Variants in NPHS1 observed in about 807,000 individuals in gnomAD.
NPHS1 encodes the protein NPHS1 adhesion molecule, nephrin, also known as nephrin.
NPHS1 carries 107 observed loss-of-function variants against 139.7 expected under a neutral mutation model. That is an observed-to-expected ratio of 0.77 (90% confidence interval 0.66 to 0.90). NPHS1 has a LOEUF of 0.90. Among genes scored for constraint, NPHS1 ranks in the 40% least tolerant of loss-of-function variants. The probability of loss-of-function intolerance (pLI) is 0.00; values close to 1 mark genes in which losing one functional copy is unlikely to be tolerated. For missense variants in NPHS1, 1,580 were observed against 1,654.2 expected, an observed-to-expected ratio of 0.96 and a Z score of 0.78; for synonymous variants, 707 against 706.6, an observed-to-expected ratio of 1.00 and a Z score of -0.01.
In NPHS1 at chr19:35,851,004, C is replaced by A; in HGVS notation, c.483G>T (p.Val161=). The A allele has an allele frequency of 6.2e-7, 1 of 1,614,200 alleles. No individual in the cohort carries two copies. Among genetic ancestry groups the A allele is most frequent in the South Asian group, 1.1e-5 (1 of 91,084 alleles). Residue 161 remains valine (V), a synonymous_variant, in exon 4 of 29, where the codon GTG becomes GTT. Transcript: ENST00000378910. ...VAGQEYVVNC[V]SGDAKPAPDI... ...CAGGTGCTGGCTTCGCGTCCCCAGA[C>A]ACACAGTTGACCACGTACTCCTGCC...
Position 35,845,494 on chromosome 19 carries a change from A to C in NPHS1, c.1804T>G (p.Ser602Ala). ...AGAAGGACGCTCCTGGCGGCGGCGG[A>C]GCCTTTGAATGGGGCTCTCCGGGGT... ...APPRRAPFKG[S>A]AAARSVLLQV... The change falls in exon 14 of 29, where the codon TCC becomes GCC. Residue 602 changes from serine (S) to alanine (A), a missense_variant. Coordinates refer to ENST00000378910, the MANE Select transcript of NPHS1 (RefSeq NM_004646.4). This position sits in a 1 kb window ranked among gnomAD's most constrained non-coding sequence, Gnocchi z 5.5. The C allele has an allele frequency of 1.9e-6, 3 of 1,613,322 alleles. No individual in the cohort carries two copies. Among genetic ancestry groups the C allele is most frequent in the Non-Finnish European group, 2.5e-6 (3 of 1,179,804 alleles).
At position 35,845,423 on chromosome 19, in the gene NPHS1, GGCGCGGCAGGTCAC is replaced by G; in HGVS notation, c.1861_1874del (p.Val621ProfsTer48). On this transcript the variant is annotated frameshift_variant, in exon 14 of 29. Transcript: ENST00000378910. LOFTEE classifies it high-confidence loss of function. The surrounding 1 kb of genome is among the most constrained non-coding windows in gnomAD (Gnocchi z 5.5). ...CGGTTTCGCGGAGCTCGGCGCTGTGGGCGCGGCAGGTCACGCGCTGGCCATGATCGCGGGATGAC... is the reference window on the plus strand; with the variant it reads ...CGGTTTCGCGGAGCTCGGCGCTGTGGGCGCTGGCCATGATCGCGGGATGAC... 2 of 1,614,238 alleles carry G rather than the reference GGCGCGGCAGGTCAC, an allele frequency of 1.2e-6. No individual in the cohort carries two copies. The highest frequency in any genetic ancestry group is 1.7e-6 in the Non-Finnish European group (2 of 1,180,042).
rs148755697 is a variant in NPHS1 at position 35,825,985 on chromosome 19, G to A, written c.*529C>T. 3,518 of 152,194 alleles carry A rather than the reference G, an allele frequency of 0.023. 54 individuals are homozygous for A. Among genetic ancestry groups the A allele is most frequent in the Non-Finnish European group, 0.037 (2,541 of 68,216 alleles). The allele number at this position is 152,194 out of a possible 1,614,324, so 9.4% of individuals were successfully genotyped here. On this transcript the variant is annotated 3_prime_UTR_variant, in exon 29 of 29. Transcript: ENST00000378910. The stretch of plus-strand genomic sequence containing the variant: ...TTTTGAGACAGAATCTCGCTCTGTC[G>A]CCCAGGCTGGAGTGCAGTGGCGTGA...
chr19:35,827,169 A>G (rs1479118681), intron 28 of NPHS1, among the ~76,000 whole-genome samples: 1 of 151,148 alleles, frequency 6.6e-6, no homozygotes, highest in Non-Finnish European at 1.5e-5. Flanking sequence ...TTTTTTAAAG[A>G]CGAGGTTTCC....
In NPHS1 at chr19:35,849,296, G is replaced by A. The variant is rs776578833; in HGVS notation, c.780C>T (p.Ser260=). 3 of 1,613,202 alleles carry A rather than the reference G, an allele frequency of 1.9e-6. No individual in the cohort carries two copies. In the South Asian group the frequency reaches 3.3e-5, roughly 18 times the overall value. ...LDEGHVRAGQ[S]LELPCVARGG... is the part of the protein sequence containing the mutation. ...CTCGGGCCACGCACGGCAGCTCCAA[G>A]CTCTGTCCTGCCCGCACGTGCCCCT... The change falls in exon 7 of 29, where the codon AGC becomes AGT. Residue 260 remains serine (S), a synonymous_variant. Coordinates refer to ENST00000378910, the MANE Select transcript of NPHS1 (RefSeq NM_004646.4).
chr19:35,835,845 A>G, intron 22 of NPHS1, 84 bp from the exon 23 acceptor site: 6 of 1,233,338 alleles, frequency 4.9e-6, no homozygotes, highest in African/African-American at 1.5e-5. Flanking sequence ...TCTTAAGCCT[A>G]TTAGATTCAT....
In NPHS1 at chr19:35,839,253, A is replaced by C. The variant is rs751392621; in HGVS notation, c.3093T>G (p.Leu1031=). The C allele has an allele frequency of 7.4e-6, 12 of 1,614,168 alleles. 1 individual carries two copies. In the South Asian group the frequency reaches 1.2e-4, roughly 16 times the overall value. The change falls in exon 22 of 29, where the codon CTT becomes CTG. Residue 1031 remains leucine, a synonymous_variant. Transcript: ENST00000378910. ...CCTTCCCACCTGGGGTAGTGATGGG[A>C]AGCTGGGTCCCTTTGTCAGCCAGTC... ...DSGLADKGTQ[L]PITTPGLHQP... is the part of the protein sequence containing the mutation.
rs929540764 is a variant in NPHS1 at position 35,830,886 on chromosome 19, G to C, written c.3552C>G (p.Pro1184=). 2.5e-6 allele frequency: 4 copies of C among 1,613,928 alleles called. No homozygotes were observed. Among genetic ancestry groups the C allele is most frequent in the Non-Finnish European group, 3.4e-6 (4 of 1,179,796 alleles). ...HLYDEVERTY[P]PSGAWGPLYD... ...AGAGGGGTCCCCAGGCTCCAGACGGGGGGTACGTTCTTTCTACCTCATCAT... is the reference window on the plus strand; with the variant it reads ...AGAGGGGTCCCCAGGCTCCAGACGGCGGGTACGTTCTTTCTACCTCATCAT... Residue 1184 remains proline (P), a synonymous_variant, in exon 28 of 29, where the codon CCC becomes CCG. Coordinates refer to ENST00000378910, the MANE Select transcript of NPHS1 (RefSeq NM_004646.4).
At position 35,849,314 on chromosome 19, in the gene NPHS1, G is replaced by A. The variant is rs201234008; in HGVS notation, c.762C>T (p.His254=). The change falls in exon 7 of 29, where the codon CAC becomes CAT. Residue 254 remains histidine, a synonymous_variant. Coordinates refer to ENST00000378910, the MANE Select transcript of NPHS1 (RefSeq NM_004646.4). ...VIEWPGLDEG[H]VRAGQSLELP... ...GCTCCAAGCTCTGTCCTGCCCGCACGTGCCCCTCATCCAGGCCTGGCCACT... is the reference window on the plus strand; with the variant it reads ...GCTCCAAGCTCTGTCCTGCCCGCACATGCCCCTCATCCAGGCCTGGCCACT... The A allele has an allele frequency of 5.6e-6, 9 of 1,612,892 alleles. No homozygotes were observed. Among genetic ancestry groups the A allele is most frequent in the African/African-American group, 2.7e-5 (2 of 75,014 alleles).
Position 35,834,149 on chromosome 19 carries a change from T to G in NPHS1, c.3166+1556A>C, listed in dbSNP as rs118187463. Among the ~76,000 whole-genome samples the G allele has an allele frequency of 1.1e-3, 165 of 152,248 alleles. 1 individual carries two copies. The East Asian group carries it at 0.031, about 28-fold the overall frequency. ...GAGTGCGGGGCCTTTCCACACTGAC[T>G]CTGTGTTGAGCCATGTGACTTGCTT... On this transcript the variant is annotated intron_variant, in intron 23 of 28. Coordinates refer to ENST00000378910, the MANE Select transcript of NPHS1 (RefSeq NM_004646.4).
At chr19:35,841,440 T>A (rs1973054391) in intron 20 of NPHS1, among the ~76,000 whole-genome samples, 1 of 152,060 alleles carries the variant, frequency 6.6e-6, no homozygotes, top group Admixed American at 6.6e-5. Flanking sequence ...TGAACCTAGA[T>A]CCAGAAACCC....
At chr19:35,842,089 G>T (rs1973064666) in intron 19 of NPHS1, 35 bp downstream of exon 19, 1 of 1,590,822 alleles carries the variant, frequency 6.3e-7, no homozygotes, top group African/African-American at 1.3e-5. Context: ...TCCAGACCTG[G>T]GGCTGGAGTG....
At chr19:35,832,601 C>T (rs575803232) in intron 23 of NPHS1, among the ~76,000 whole-genome samples, 9 of 151,196 alleles carry the variant, frequency 6.0e-5, no homozygotes, top group African/African-American at 1.2e-4. Context: ...TTAATTAAGA[C>T]GGAGTTGGCT....
intron 17 of NPHS1, 31 bp from the exon 18 acceptor site, chr19:35,842,581 C>G: frequency 6.2e-7 from 1 of 1,610,422 alleles, no homozygotes; most frequent in South Asian, 1.1e-5. Flanking sequence ...AATTGGCCTC[C>G]CAGTCTAGCC....
intron 11 of NPHS1, 107 bp from the exon 12 acceptor site, chr19:35,846,301 CTT>C: frequency 8.2e-7 from 1 of 1,214,916 alleles, no homozygotes. Flanking sequence ...CAAACAAAGC[CTT>C]TTTCTGATAA....
In NPHS1 at chr19:35,851,303, C is replaced by A; in HGVS notation, c.356G>T (p.Gly119Val). Residue 119 changes from glycine (G) to valine (V), a missense_variant, in exon 3 of 29, where the codon GGG becomes GTG. Coordinates refer to ENST00000378910, the MANE Select transcript of NPHS1 (RefSeq NM_004646.4). The part of the protein sequence containing the change: ...YECQVGRSEM[G>V]PELVSPRVIL... ...CACTCTGGGAGACACGAGCTCGGGC[C>A]CCATCTCAGAGCGGCCGACCTGGCA... The A allele has an allele frequency of 6.2e-7, 1 of 1,614,006 alleles. No individual in the cohort carries two copies. The highest frequency in any genetic ancestry group is 1.3e-5 in the African/African-American group (1 of 75,034).
chr19:35,845,226 C>T lies in NPHS1; in HGVS notation c.1930+142G>A, dbSNP rs1054948804. ...TGGAGACTGCAGTGACCTATGATTG[C>T]GTCACTGCATTGCAGCCTGAGCGAC... On this transcript the variant is annotated intron_variant, in intron 14 of 28. Coordinates refer to ENST00000378910, the MANE Select transcript of NPHS1 (RefSeq NM_004646.4). The surrounding 1 kb of genome is among the most constrained non-coding windows in gnomAD (Gnocchi z 5.5). 2.2e-6 allele frequency: 2 copies of T among 904,054 alleles called. No individual in the cohort carries two copies. The highest frequency in any genetic ancestry group is 3.5e-6 in the Non-Finnish European group (2 of 566,870). 56.0% of individuals were successfully genotyped at this position (904,054 alleles called of 1,614,324 possible). A position where few individuals can be genotyped will look rare whatever the true frequency, so the allele number is the denominator to read the frequency against.
intron 11 of NPHS1, among the ~76,000 whole-genome samples, chr19:35,847,487 T>C (rs1435663892): frequency 6.6e-6 from 1 of 151,256 alleles, no homozygotes; most frequent in African/African-American, 2.4e-5. Flanking sequence ...CTCCAGTAGC[T>C]GGGATTACAG....
chr19:35,830,961 A>C lies in NPHS1; in HGVS notation c.3482-5T>G. 1 of 1,610,260 alleles carries C rather than the reference A, an allele frequency of 6.2e-7. No homozygotes were observed. Among genetic ancestry groups the C allele is most frequent in the Non-Finnish European group, 8.5e-7 (1 of 1,176,540 alleles). On this transcript the variant is annotated splice_region_variant and splice_polypyrimidine_tract_variant and intron_variant, in intron 27 of 28. Coordinates refer to ENST00000378910, the MANE Select transcript of NPHS1 (RefSeq NM_004646.4). Reference sequence around the variant, plus strand: ...CCTCATCTTCACCTGTGAAACCTGGAGTTGGAGTGGAAGGGAGACACGATC... The same window carrying C: ...CCTCATCTTCACCTGTGAAACCTGGCGTTGGAGTGGAAGGGAGACACGATC...
Sources: gnomAD v4.1 joint callset for allele counts (sites outside exome capture counted in the v4.1 genomes callset) on GRCh38, gnomAD v4.1.1 for gene constraint, Gnocchi (gnomAD v3.1) non-coding constraint, MANE v1.5 for transcripts, NCBI Gene and HGNC (gene_info 2026-07-23, HGNC 2026-07-21) for gene names.